RABGAP1: variants seen among roughly 807,000 people sequenced by gnomAD.
The protein encoded by RABGAP1 is RAB GTPase activating protein 1.
A neutral mutation model predicts 137.6 loss-of-function variants in RABGAP1; 23 were observed. The observed-to-expected ratio is 0.17, with a 90% CI of 0.12 to 0.24. RABGAP1 has a LOEUF of 0.24. Among genes scored for constraint, RABGAP1 ranks in the 10% least tolerant of loss-of-function variants. The pLI, the probability that RABGAP1 is intolerant of heterozygous loss-of-function variation, is 1.00. For synonymous variants in RABGAP1, 451 were observed against 450.7 expected, an observed-to-expected ratio of 1.00 and a Z score of -0.01; for missense variants, 906 against 1,275.8, an observed-to-expected ratio of 0.71 and a Z score of 4.42.
At chr9:122,978,446 A>G (rs947329363) in intron 2 of RABGAP1, among the ~76,000 whole-genome samples, 8 of 152,236 alleles carry the variant, frequency 5.3e-5, no homozygotes, top group African/African-American at 1.9e-4. Flanking sequence ...TTTGGGTTGT[A>G]TTCAGTTTTT....
rs202090815 is a variant in RABGAP1 at position 122,945,147 on chromosome 9, C to CTTTTTTTTTTTTTTTTT, written c.-50+4070_-50+4071insTTTTTTTTTTTTTTTTT. Among the ~76,000 whole-genome samples the CTTTTTTTTTTTTTTTTT allele has an allele frequency of 9.5e-3, 721 of 75,776 alleles. 241 individuals carry two copies. Among genetic ancestry groups the CTTTTTTTTTTTTTTTTT allele is most frequent in the South Asian group, 0.015 (20 of 1,378 alleles). The allele number at this position is 75,776 out of a possible 152,430, so 49.7% of individuals were successfully genotyped here. A position where few individuals can be genotyped will look rare whatever the true frequency, so the allele number is the denominator to read the frequency against. On this transcript the variant is annotated intron_variant, in intron 1 of 25. Transcript: ENST00000373647. ...CACCATGTATACATCATAGCTGTTG[C>CTTTTTTTTTTTTTTTTT]TTTTTTTTTTTTTTTTAGCATAAAC...
chr9:123,089,497 C>T (rs1049141205), intron 19 of RABGAP1: 9 of 345,942 alleles, frequency 2.6e-5, no homozygotes, highest in Middle Eastern at 1.6e-3. Flanking sequence ...TAGGAGGAGC[C>T]GTCTGTAGGG....
intron 13 of RABGAP1, among the ~76,000 whole-genome samples, chr9:123,022,637 C>T (rs1486842127): frequency 6.6e-6 from 1 of 151,982 alleles, no homozygotes; most frequent in Non-Finnish European, 1.5e-5. Context: ...GAACTCCTGA[C>T]CTCATGATCC....
chr9:123,100,382 G>GGTGT (rs1431572035), intron 24 of RABGAP1, among the ~76,000 whole-genome samples: 20 of 130,278 alleles, frequency 1.5e-4, no homozygotes, highest in South Asian at 2.6e-4. Flanking sequence ...TGTTTAACCA[G>GGTGT]ATGTGTGTGT....
intron 13 of RABGAP1, among the ~76,000 whole-genome samples, chr9:123,022,327 A>G (rs1017678618): frequency 2.0e-5 from 3 of 152,234 alleles, no homozygotes; most frequent in African/African-American, 7.2e-5. Flanking sequence ...AAGAAAGACT[A>G]TTAACAAAAT....
At chr9:123,061,111 T>TTTG (rs201139569) in intron 13 of RABGAP1, among the ~76,000 whole-genome samples, 196 of 152,272 alleles carry the variant, frequency 1.3e-3, no homozygotes, top group African/African-American at 4.3e-3. Context: ...TTTATTCATT[T>TTTG]TTGTTGTTGT....
chr9:123,004,420 T>C (rs1331293433), intron 10 of RABGAP1, among the ~76,000 whole-genome samples: 1 of 152,022 alleles, frequency 6.6e-6, no homozygotes, highest in Non-Finnish European at 1.5e-5. Context: ...CCCAAGTAGC[T>C]GGGATCAAGG....
intron 2 of RABGAP1, chr9:122,971,624 A>C (rs1835476926): frequency 6.6e-6 from 1 of 152,210 alleles, no homozygotes; most frequent in African/African-American, 2.4e-5. Context: ...AAAATGTAAA[A>C]ATTAAGCCAA....
At chr9:123,019,662 C>G (rs972876581) in intron 12 of RABGAP1, among the ~76,000 whole-genome samples, 1 of 148,768 alleles carries the variant, frequency 6.7e-6, no homozygotes, top group East Asian at 2.0e-4. Flanking sequence ...TATTATATGT[C>G]CACTGATTGG....
At chr9:122,966,248 G>C (rs895678202) in intron 2 of RABGAP1, among the ~76,000 whole-genome samples, 6 of 152,132 alleles carry the variant, frequency 3.9e-5, no homozygotes, top group Admixed American at 1.3e-4. Flanking sequence ...ATTATGGCTG[G>C]GTGCAGTGGC....
At chr9:122,958,556 C>T (rs1190247648) in intron 2 of RABGAP1, among the ~76,000 whole-genome samples, 1 of 151,828 alleles carries the variant, frequency 6.6e-6, no homozygotes, top group South Asian at 2.1e-4. Context: ...GTGGGGGGAG[C>T]AGGGAGGGAT....
At chr9:122,936,991 A>G (rs1833396815), upstream of RABGAP1, among the ~76,000 whole-genome samples, 1 of 152,202 alleles carries the variant, frequency 6.6e-6, no homozygotes, top group African/African-American at 2.4e-5. Context: ...TTATTTTCAG[A>G]TTCACCACAT....
intron 11 of RABGAP1, among the ~76,000 whole-genome samples, chr9:123,012,466 C>T (rs2030887353): frequency 1.3e-5 from 2 of 152,218 alleles, no homozygotes; most frequent in Non-Finnish European, 2.9e-5. Flanking sequence ...GGAATATCTG[C>T]TGGTTACAAA....
chr9:122,964,683 C>A (rs1221165091), intron 2 of RABGAP1, among the ~76,000 whole-genome samples: 1 of 152,132 alleles, frequency 6.6e-6, no homozygotes, highest in Admixed American at 6.5e-5. Context: ...CTACACTCAC[C>A]ACCGATCTTC....
intron 13 of RABGAP1, among the ~76,000 whole-genome samples, chr9:123,061,361 C>T (rs762207441): frequency 6.6e-5 from 10 of 152,188 alleles, no homozygotes; most frequent in African/African-American, 9.7e-5. Flanking sequence ...GTGGTTTACT[C>T]GCCTCGGCCT....
intron 11 of RABGAP1, among the ~76,000 whole-genome samples, chr9:123,013,976 G>A (rs776576819): frequency 6.6e-6 from 1 of 152,218 alleles, no homozygotes; most frequent in Non-Finnish European, 1.5e-5. Context: ...TAGTGGAACT[G>A]TAAATTGGTA....
At chr9:123,086,454 C>G (rs1254654603) in intron 19 of RABGAP1, among the ~76,000 whole-genome samples, 1 of 152,264 alleles carries the variant, frequency 6.6e-6, no homozygotes, top group African/African-American at 2.4e-5. Context: ...AGGTGCTGGC[C>G]TCTCCCAGAT....
At chr9:123,054,916 G>T (rs1192895418) in intron 13 of RABGAP1, among the ~76,000 whole-genome samples, 1 of 152,098 alleles carries the variant, frequency 6.6e-6, no homozygotes, top group African/African-American at 2.4e-5. Context: ...CGTGACATCA[G>T]TGTTGACCTC....
intron 13 of RABGAP1, among the ~76,000 whole-genome samples, chr9:123,051,216 G>GTTTTTTTTTTTTTTTT (rs552457119): frequency 1.5e-4 from 5 of 34,280 alleles, no homozygotes; most frequent in Non-Finnish European, 2.8e-4. Flanking sequence ...ATTCACCTTG[G>GTTTTTTTTTTTTTTTT]TTTTTTTTTT....
Sources: gnomAD v4.1 joint callset for allele counts (sites outside exome capture counted in the v4.1 genomes callset) on GRCh38, gnomAD v4.1.1 for gene constraint, MANE v1.5 for transcripts, NCBI Gene and HGNC (gene_info 2026-07-23, HGNC 2026-07-21) for gene names.